The following AKT1 variants were observed in gnomAD, a reference collection of about 807,000 sequenced individuals.
AKT1 encodes RAC-alpha serine/threonine-protein kinase.
Under a neutral mutation model 63.1 loss-of-function variants are expected in AKT1, and 21 were observed. That is an observed-to-expected ratio of 0.33 (90% confidence interval 0.24 to 0.48). The LOEUF (loss-of-function observed/expected upper bound fraction) is 0.48, where lower values mean the gene tolerates loss of function less well. Among genes scored for constraint, AKT1 ranks in the 20% least tolerant of loss-of-function variants. AKT1 has a pLI of 0.99. For missense variants in AKT1, 382 were observed against 666.0 expected, an observed-to-expected ratio of 0.57 and a Z score of 4.69; for synonymous variants, 257 against 253.1, an observed-to-expected ratio of 1.02 and a Z score of -0.15.
chr14:104,791,397 G>C (rs180751164), intron 3 of AKT1, among the ~76,000 whole-genome samples: 11 of 152,084 alleles, frequency 7.2e-5, no homozygotes, highest in Admixed American at 6.5e-4. Flanking sequence ...GGAGGCCTTG[G>C]GGGGAAGCAG....
At chr14:104,789,427 C>T (rs754119321) in intron 3 of AKT1, among the ~76,000 whole-genome samples, 7 of 152,312 alleles carry the variant, frequency 4.6e-5, no homozygotes, top group Non-Finnish European at 8.8e-5. Context: ...CTGGGGCAAG[C>T]GGGCAAGGTG....
rs1229232142 is a variant in AKT1 at position 104,769,812 on chromosome 14, C to G, written c.*529G>C. ...GGGGCCCAGCCTCCGATGACGTCCT[C>G]AGAGACACGGCCTTAGTGCTGGGGG... On this transcript the variant is annotated 3_prime_UTR_variant, in exon 15 of 15. Coordinates refer to ENST00000649815, the MANE Select transcript of AKT1 (RefSeq NM_001382430.1). 3 of 391,854 alleles carry G rather than the reference C, an allele frequency of 7.7e-6. No homozygotes were observed. The highest frequency in any genetic ancestry group is 2.1e-5 in the African/African-American group (1 of 47,830). 24.3% of individuals were successfully genotyped at this position (391,854 alleles called of 1,614,324 possible).
intron 3 of AKT1, chr14:104,786,514 C>G (rs1289989476): frequency 1.3e-5 from 2 of 152,264 alleles, no homozygotes; most frequent in African/African-American, 2.4e-5. Flanking sequence ...TTGAAGGGCT[C>G]CAGTGCTGGC....
chr14:104,776,046 C>T, intron 5 of AKT1: 1 of 455,896 alleles, frequency 2.2e-6, no homozygotes, highest in South Asian at 2.9e-5. Context: ...CGGACTCCAA[C>T]CCCCAGCAGG....
At chr14:104,788,827 CCT>C (rs1893471824) in intron 3 of AKT1, among the ~76,000 whole-genome samples, 1 of 152,136 alleles carries the variant, frequency 6.6e-6, no homozygotes, top group Admixed American at 6.5e-5. Flanking sequence ...AGGGGGCTGC[CCT>C]GAGGCCTGGA....
At chr14:104,794,892 C>T (rs1438105018) in intron 1 of AKT1, 2 of 152,348 alleles carry the variant, frequency 1.3e-5, no homozygotes, top group Non-Finnish European at 2.9e-5. Context: ...CCCTCCAAGC[C>T]TTGGCCTCTG....
intron 4 of AKT1, chr14:104,777,008 G>A (rs1325994564): frequency 8.1e-6 from 4 of 496,258 alleles, no homozygotes; most frequent in East Asian, 3.5e-5. Context: ...ATCTGGCCCG[G>A]CGTCAGGTCA....
chr14:104,771,123 T>C (rs1892362578), intron 13 of AKT1: 8 of 444,354 alleles, frequency 1.8e-5, no homozygotes, highest in Non-Finnish European at 3.2e-5. Context: ...GCAGCCCAGC[T>C]CTGAGAGACC....
chr14:104,791,236 G>A (rs10149034), intron 3 of AKT1, among the ~76,000 whole-genome samples: 2 of 152,116 alleles, frequency 1.3e-5, no homozygotes, highest in African/African-American at 4.8e-5. Context: ...GTGACACAGA[G>A]AGGAACAGGG....
intron 3 of AKT1, 85 bp downstream of exon 3, chr14:104,792,513 C>T (rs1893678635): frequency 3.3e-6 from 5 of 1,523,414 alleles, no homozygotes; most frequent in African/African-American, 2.7e-5. Context: ...CCCTCCCACC[C>T]AGCAGGGCAC....
intron 14 of AKT1, 153 bp from the exon 15 acceptor site, chr14:104,770,573 G>A: frequency 1.1e-6 from 1 of 935,110 alleles, no homozygotes; most frequent in South Asian, 1.7e-5. Flanking sequence ...TTGACACAGG[G>A]ACCTGGGCCC....
At chr14:104,785,421 C>T (rs1463142685) in intron 3 of AKT1, among the ~76,000 whole-genome samples, 3 of 152,238 alleles carry the variant, frequency 2.0e-5, no homozygotes, top group Non-Finnish European at 2.9e-5. Context: ...AATACATCCA[C>T]TGCTCCTCCC....
rs543582137 is a variant in AKT1 at position 104,782,922 on chromosome 14, C to T, written c.47-2706G>A. Among the ~76,000 whole-genome samples, 250 of 152,228 alleles carry T rather than the reference C, an allele frequency of 1.6e-3. 1 individual carries two copies. The highest frequency in any genetic ancestry group is 5.8e-3 in the African/African-American group (242 of 41,530). On this transcript the variant is annotated intron_variant, in intron 3 of 14. Transcript: ENST00000649815. ...GCCAGCTGCAGCCAGGGCCGTGGCG[C>T]GCATCTTAACGAGTTCAGCCCAGAC...
In AKT1 at chr14:104,782,561, C is replaced by T. The variant is rs558190247; in HGVS notation, c.47-2345G>A. Among the ~76,000 whole-genome samples the T allele has an allele frequency of 1.4e-3, 213 of 152,010 alleles. 2 individuals are homozygous for T. Among genetic ancestry groups the T allele is most frequent in the Middle Eastern group, 6.8e-3 (2 of 294 alleles). ...AGGCCCAGGGGCGGCGCTTACCAGGCGTGGGGGGTGGGAGAGGACAGGTGC... is the reference window on the plus strand; with the variant it reads ...AGGCCCAGGGGCGGCGCTTACCAGGTGTGGGGGGTGGGAGAGGACAGGTGC... On this transcript the variant is annotated intron_variant, in intron 3 of 14. Coordinates refer to ENST00000649815, the MANE Select transcript of AKT1 (RefSeq NM_001382430.1).
intron 8 of AKT1, chr14:104,774,182 G>GCCCCACACCACACAC (rs1892575007): frequency 3.8e-6 from 2 of 524,802 alleles, no homozygotes; most frequent in African/African-American, 6.1e-5. Context: ...CCATCACACT[G>GCCCCACACCACACAC]CCCCACACCA....
chr14:104,791,048 C>T (rs1480733034), intron 3 of AKT1, among the ~76,000 whole-genome samples: 1 of 152,184 alleles, frequency 6.6e-6, no homozygotes, highest in Non-Finnish European at 1.5e-5. Flanking sequence ...ATCACCTGGC[C>T]TCGGGGGAGC....
chr14:104,790,926 G>A (rs1264474845), intron 3 of AKT1, among the ~76,000 whole-genome samples: 2 of 152,188 alleles, frequency 1.3e-5, no homozygotes, highest in Non-Finnish European at 2.9e-5. Context: ...GGGTCATGGC[G>A]ATAGAGTGGC....
Position 104,775,741 on chromosome 14 carries a change from C to T in AKT1, c.346G>A (p.Glu116Lys), listed in dbSNP as rs1595245738. The T allele has an allele frequency of 6.2e-7, 1 of 1,614,104 alleles. No homozygotes were observed. Among genetic ancestry groups the T allele is most frequent in the Non-Finnish European group, 8.5e-7 (1 of 1,179,992 alleles). Residue 116 changes from glutamate (E) to lysine (K), a missense_variant, in exon 6 of 15, where the codon GAG becomes AAG. Transcript: ENST00000649815. ...GAGCCCGACCGGAAGTCCATCTCCT[C>T]CTCCTCCTGCTTCTTGAGGCCGTCA... ...VADGLKKQEE[E>K]EMDFRSGSPS...
At chr14:104,784,280 T>C (rs1893220973) in intron 3 of AKT1, among the ~76,000 whole-genome samples, 1 of 152,166 alleles carries the variant, frequency 6.6e-6, no homozygotes, top group South Asian at 2.1e-4. Flanking sequence ...CAGGGGCTCC[T>C]GTGCCTGATG....
Sources: gnomAD v4.1 joint callset for allele counts (sites outside exome capture counted in the v4.1 genomes callset) on GRCh38, gnomAD v4.1.1 for gene constraint, MANE v1.5 for transcripts, NCBI Gene and HGNC (gene_info 2026-07-23, HGNC 2026-07-21) for gene names.